PSEN2: variants seen among roughly 807,000 people sequenced by gnomAD.
PSEN2 encodes presenilin-2.
PSEN2 carries 32 observed loss-of-function variants against 49.1 expected under a neutral mutation model. The observed-to-expected ratio is 0.65, with a 90% CI of 0.49 to 0.88. The LOEUF (loss-of-function observed/expected upper bound fraction) is 0.88. Ranked by LOEUF, PSEN2 falls within the 40% of genes least tolerant of loss-of-function variation. The pLI is 0.00. For missense variants in PSEN2, 522 were observed against 586.9 expected (o/e 0.89, Z 1.14); for synonymous variants, 255 against 244.0 (o/e 1.05, Z -0.42).
downstream of PSEN2, among the ~76,000 whole-genome samples, chr1:226,901,434 CAAAAAA>C (rs71179182): frequency 8.5e-6 from 1 of 117,756 alleles, no homozygotes; most frequent in Non-Finnish European, 1.7e-5. Flanking sequence ...GAAACTGTCT[CAAAAAA>C]AAAAAAAAAA....
rs959098165 is a variant in PSEN2 at position 226,895,924 on chromosome 1, G to C, written c.*345G>C. 2.7e-5 allele frequency: 11 copies of C among 400,906 alleles called. No homozygotes were observed. The highest frequency in any genetic ancestry group is 2.7e-4 in the Admixed American group (7 of 25,912). The allele number at this position is 400,906 out of a possible 1,614,324, so 24.8% of individuals were successfully genotyped here. On this transcript the variant is annotated 3_prime_UTR_variant, in exon 13 of 13. Transcript: ENST00000366783. ...CGGGAGTGGCCCCTGGCACCTGGGTGCTCTGGCTGGAGAGGAAAAGCCAGT... is the reference window on the plus strand; with the variant it reads ...CGGGAGTGGCCCCTGGCACCTGGGTCCTCTGGCTGGAGAGGAAAAGCCAGT...
chr1:226,878,475 C>G (rs973057653), intron 3 of PSEN2, among the ~76,000 whole-genome samples: 1 of 152,202 alleles, frequency 6.6e-6, no homozygotes, highest in Non-Finnish European at 1.5e-5. Flanking sequence ...CATCAGCTCC[C>G]TTTCTCCTTT....
At chr1:226,885,453 C>T (rs1158758958) in intron 5 of PSEN2, 85 bp from the exon 6 acceptor site, 1 of 1,517,020 alleles carries the variant, frequency 6.6e-7, no homozygotes, top group African/African-American at 1.4e-5. Context: ...AGGCACCTCC[C>T]CTAGCAGGTC....
rs199760083 is a variant in PSEN2 at position 226,888,895 on chromosome 1, C to A, written c.633C>A (p.Phe211Leu). The A allele has an allele frequency of 5.0e-6, 8 of 1,614,060 alleles. No individual in the cohort carries two copies. Among genetic ancestry groups the A allele is most frequent in the Non-Finnish European group, 6.8e-6 (8 of 1,180,044 alleles). The change falls in exon 8 of 13, where the codon TTC (phenylalanine) becomes TTA (leucine). Residue 211 changes from phenylalanine (F) to leucine (L), a missense_variant. Transcript: ENST00000366783. The part of the protein sequence containing the change: ...YPTLLLTVWN[F>L]GAVGMVCIHW... ...CCCTCTTGCTGACTGTCTGGAACTT[C>A]GGGGCAGTGGGCATGGTGTGCATCC...
rs754836755 is a variant in PSEN2 at position 226,883,760 on chromosome 1, G to A, written c.197G>A (p.Ser66Asn). Residue 66 changes from serine to asparagine, a missense_variant, in exon 5 of 13, where the codon AGT becomes AAT. Coordinates refer to ENST00000366783, the MANE Select transcript of PSEN2 (RefSeq NM_000447.3). ...GAGGACCCTGACCGCTATGTCTGTA[G>A]TGGGGTTCCCGGGCGGCCGCCAGGC... ...GEEDPDRYVC[S>N]GVPGRPPGLE... is the part of the protein sequence containing the mutation. The A allele has an allele frequency of 1.9e-6, 3 of 1,614,184 alleles. No individual in the cohort carries two copies. The highest frequency in any genetic ancestry group is 2.2e-5 in the East Asian group (1 of 44,880).
In PSEN2 at chr1:226,893,975, T is replaced by G. The variant is rs765312050; in HGVS notation, c.1073-32T>G. ...TCTTTTTCCATTCTGTGCACGCCTCTTCAGTACGGGTTACTGTCTCTCCTC... is the reference window on the plus strand; with the variant it reads ...TCTTTTTCCATTCTGTGCACGCCTCGTCAGTACGGGTTACTGTCTCTCCTC... On this transcript the variant is annotated intron_variant, in intron 11 of 12. Transcript: ENST00000366783. 5.8e-6 allele frequency: 9 copies of G among 1,558,702 alleles called. No individual in the cohort carries two copies. In the South Asian group the frequency reaches 1.0e-4, roughly 17 times the overall value.
At chr1:226,875,730 C>T (rs1016607083) in intron 3 of PSEN2, among the ~76,000 whole-genome samples, 180 bp downstream of exon 3, 1 of 152,094 alleles carries the variant, frequency 6.6e-6, no homozygotes, top group Non-Finnish European at 1.5e-5. Flanking sequence ...AAAAGAAGGT[C>T]GAGGAAATTG....
Position 226,885,692 on chromosome 1 carries a change from C to T in PSEN2, c.498+13C>T, listed in dbSNP as rs375424407. ...CCGCTGCTACAAGGTGAGGCCCTGG[C>T]CCTGCCCTCCAGCCACGCTTCTCTC... On this transcript the variant is annotated intron_variant, in intron 6 of 12. Coordinates refer to ENST00000366783, the MANE Select transcript of PSEN2 (RefSeq NM_000447.3). The T allele has an allele frequency of 1.2e-6, 2 of 1,604,834 alleles. No individual in the cohort carries two copies. The highest frequency in any genetic ancestry group is 2.2e-5 in the East Asian group (1 of 44,878).
chr1:226,879,142 G>A (rs1470916325), intron 3 of PSEN2, among the ~76,000 whole-genome samples: 1 of 152,186 alleles, frequency 6.6e-6, no homozygotes, highest in Non-Finnish European at 1.5e-5. Context: ...AAACTGTTGG[G>A]ATTACAGGCG....
chr1:226,899,244 T>G (rs1662239527), downstream of PSEN2: 1 of 152,232 alleles, frequency 6.6e-6, no homozygotes, highest in Non-Finnish European at 1.5e-5. Flanking sequence ...AATAAGATTT[T>G]TAGTTCATCT....
chr1:226,874,905 G>C (rs12760155), intron 2 of PSEN2, among the ~76,000 whole-genome samples: 1 of 152,174 alleles, frequency 6.6e-6, no homozygotes, highest in African/African-American at 2.4e-5. Context: ...GCTGCTGCTT[G>C]TTTAAAAATA....
intron 5 of PSEN2, 113 bp downstream of exon 5, chr1:226,884,032 T>G (rs1179471663): frequency 7.4e-6 from 7 of 949,116 alleles, no homozygotes; most frequent in Non-Finnish European, 1.1e-5. Context: ...CCAGCAGCGG[T>G]AAAGAGCAGG....
downstream of PSEN2, among the ~76,000 whole-genome samples, chr1:226,900,358 A>AC (rs1318772441): frequency 6.6e-6 from 1 of 151,662 alleles, no homozygotes; most frequent in Non-Finnish European, 1.5e-5. Flanking sequence ...ATCCATGTGC[A>AC]CCCCCCTGCC....
At chr1:226,898,215 A>G (rs976035675), downstream of PSEN2, 2 of 152,318 alleles carry the variant, frequency 1.3e-5, no homozygotes, top group African/African-American at 2.4e-5. Context: ...TTGGCCTCCA[A>G]AAGTGCTGGG....
At chr1:226,874,293 TG>T (rs1439649524) in intron 2 of PSEN2, among the ~76,000 whole-genome samples, 1 of 152,156 alleles carries the variant, frequency 6.6e-6, no homozygotes, top group African/African-American at 2.4e-5. Flanking sequence ...AGCTCCTTGA[TG>T]GGCAGTTTGG....
downstream of PSEN2, among the ~76,000 whole-genome samples, chr1:226,900,203 G>T (rs1035257786): frequency 1.3e-5 from 2 of 152,160 alleles, no homozygotes; most frequent in Non-Finnish European, 2.9e-5. Flanking sequence ...TCCATCCTGG[G>T]GTTAAAATGA....
At position 226,895,657 on chromosome 1, in the gene PSEN2, C is replaced by T; in HGVS notation, c.*78C>T. Reference sequence around the variant, plus strand: ...GTTGTATAGTTTTACACTCTAGTGCCATATATTTTTAAGACTTTTCTTTCC... The same window carrying T: ...GTTGTATAGTTTTACACTCTAGTGCTATATATTTTTAAGACTTTTCTTTCC... On this transcript the variant is annotated 3_prime_UTR_variant, in exon 13 of 13. Transcript: ENST00000366783. 1 of 1,468,920 alleles carries T rather than the reference C, an allele frequency of 6.8e-7. No individual in the cohort carries two copies. The highest frequency in any genetic ancestry group is 9.3e-7 in the Non-Finnish European group (1 of 1,074,588). 91.0% of individuals were successfully genotyped at this position (1,468,920 alleles called of 1,614,324 possible).
chr1:226,895,084 CA>C (rs1662039933), intron 12 of PSEN2, among the ~76,000 whole-genome samples: 1 of 152,160 alleles, frequency 6.6e-6, no homozygotes, highest in Non-Finnish European at 1.5e-5. Flanking sequence ...ACCTAGCTCT[CA>C]TATAAATACA....
At position 226,874,442 on chromosome 1, in the gene PSEN2, T is replaced by C. The variant is rs1660499644; in HGVS notation, c.-206-923T>C. On this transcript the variant is annotated intron_variant, in intron 2 of 12. Transcript: ENST00000366783. Reference sequence around the variant, plus strand: ...GATGGCCTTTACGGTCCTTGCCAGCTCTGACATTGTCCTATGGATATGTCC... The same window carrying C: ...GATGGCCTTTACGGTCCTTGCCAGCCCTGACATTGTCCTATGGATATGTCC... Among the ~76,000 whole-genome samples the C allele has an allele frequency of 2.6e-5, 4 of 152,336 alleles. No individual in the cohort carries two copies. The South Asian group carries it at 8.3e-4, about 32-fold the overall frequency.
Sources: gnomAD v4.1 joint callset for allele counts (sites outside exome capture counted in the v4.1 genomes callset) on GRCh38, gnomAD v4.1.1 for gene constraint, MANE v1.5 for transcripts, NCBI Gene and HGNC (gene_info 2026-07-23, HGNC 2026-07-21) for gene names.